The following MAST4 variants were observed in gnomAD, a reference collection of about 807,000 sequenced individuals.
MAST4 encodes microtubule associated serine/threonine kinase family member 4.
MAST4 carries 89 observed loss-of-function variants against 162.7 expected under a neutral mutation model. The observed-to-expected ratio is 0.55, with a 90% CI of 0.46 to 0.65. MAST4 has a LOEUF of 0.65. MAST4 is among the 30% of genes least tolerant of loss of function. MAST4 has a pLI of 0.00. For missense variants in MAST4, 3,153 were observed against 3,374.0 expected, an observed-to-expected ratio of 0.93 and a Z score of 1.62; for synonymous variants, 1,479 against 1,361.1, an observed-to-expected ratio of 1.09 and a Z score of -1.91.
intron 3 of MAST4, among the ~76,000 whole-genome samples, chr5:66,857,373 T>G (rs1759768344): frequency 6.6e-6 from 1 of 152,222 alleles, no homozygotes; most frequent in African/African-American, 2.4e-5. Flanking sequence ...GACATCCATG[T>G]GTGGATTGCT....
chr5:66,879,345 TACAC>T (rs372860024), intron 3 of MAST4, among the ~76,000 whole-genome samples: 2 of 133,464 alleles, frequency 1.5e-5, no homozygotes, highest in South Asian at 4.3e-4. Context: ...TTAAAATATA[TACAC>T]ACACACACAC....
intron 1 of MAST4, among the ~76,000 whole-genome samples, chr5:66,633,977 G>C (rs1744944078): frequency 6.6e-6 from 1 of 152,148 alleles, no homozygotes; most frequent in South Asian, 2.1e-4. Context: ...CTCATTATGA[G>C]GACACAGGGG....
intron 4 of MAST4, among the ~76,000 whole-genome samples, chr5:66,989,560 C>T (rs982241454): frequency 6.6e-6 from 1 of 152,150 alleles, no homozygotes; most frequent in Admixed American, 6.5e-5. Flanking sequence ...TATCCACAAA[C>T]AAGCAGAGCC....
chr5:67,129,033 T>C (rs186907278), intron 14 of MAST4, among the ~76,000 whole-genome samples: 113 of 152,312 alleles, frequency 7.4e-4, no homozygotes, highest in African/African-American at 2.5e-3. Context: ...CCAAGCCTCA[T>C]TGGGTCCCTT....
At chr5:66,678,878 G>A (rs1213045665) in intron 1 of MAST4, among the ~76,000 whole-genome samples, 1 of 151,568 alleles carries the variant, frequency 6.6e-6, no homozygotes, top group African/African-American at 2.4e-5. Flanking sequence ...TGCAACCTCC[G>A]CCTCCTGGGT....
intron 4 of MAST4, among the ~76,000 whole-genome samples, chr5:67,020,465 T>C (rs939623594): frequency 6.6e-6 from 1 of 152,212 alleles, no homozygotes; most frequent in Non-Finnish European, 1.5e-5. Context: ...AAGCTTCTCT[T>C]GGAAGGATTG....
intron 1 of MAST4, among the ~76,000 whole-genome samples, chr5:66,630,234 G>T (rs1744710796): frequency 1.3e-5 from 2 of 152,162 alleles, no homozygotes; most frequent in South Asian, 4.1e-4. Context: ...CACAGACTCT[G>T]GCCATCAGAA....
chr5:66,900,002 T>C lies in MAST4; in HGVS notation c.674+20T>C. Reference sequence around the variant, plus strand: ...AAGTTTGTAAGTAGTAGTATTTTGTTTCCTTGTTTTCTTTTTATTAATATA... The same window carrying C: ...AAGTTTGTAAGTAGTAGTATTTTGTCTCCTTGTTTTCTTTTTATTAATATA... On this transcript the variant is annotated intron_variant, in intron 4 of 28. Coordinates refer to ENST00000403625, the MANE Select transcript of MAST4 (RefSeq NM_001164664.2). 6.7e-7 allele frequency: 1 copy of C among 1,483,442 alleles called. No homozygotes were observed. The highest frequency in any genetic ancestry group is 9.0e-7 in the Non-Finnish European group (1 of 1,114,640). 91.9% of individuals were successfully genotyped at this position (1,483,442 alleles called of 1,614,324 possible). A position where few individuals can be genotyped will look rare whatever the true frequency, so the allele number is the denominator to read the frequency against.
At chr5:66,903,430 A>G (rs1472106536) in intron 4 of MAST4, among the ~76,000 whole-genome samples, 1 of 130,902 alleles carries the variant, frequency 7.6e-6, no homozygotes, top group Non-Finnish European at 1.6e-5. Context: ...ACATTCTCAC[A>G]CCTGTGTTTG....
intron 4 of MAST4, among the ~76,000 whole-genome samples, chr5:66,975,541 C>T (rs1017819809): frequency 6.6e-6 from 1 of 152,076 alleles, no homozygotes; most frequent in African/African-American, 2.4e-5. Context: ...GAGTGCTCAT[C>T]ATGATAGTTT....
chr5:66,663,167 G>A (rs1747017539), intron 1 of MAST4, among the ~76,000 whole-genome samples: 1 of 152,142 alleles, frequency 6.6e-6, no homozygotes, highest in South Asian at 2.1e-4. Flanking sequence ...GGGCCCTCAG[G>A]ATTGTATATT....
At chr5:66,703,823 T>G (rs182887360) in intron 1 of MAST4, among the ~76,000 whole-genome samples, 511 of 152,318 alleles carry the variant, frequency 3.4e-3, no homozygotes, top group African/African-American at 0.011. Context: ...CTGCTCCAGT[T>G]TGATCTCTTT....
At chr5:67,056,549 G>T (rs759852410) in intron 5 of MAST4, among the ~76,000 whole-genome samples, 2 of 152,072 alleles carry the variant, frequency 1.3e-5, no homozygotes, top group African/African-American at 4.8e-5. Flanking sequence ...ATATTGAGAC[G>T]ACAGAACGTG....
intron 1 of MAST4, among the ~76,000 whole-genome samples, chr5:66,602,767 T>C (rs1742638304): frequency 6.6e-6 from 1 of 152,212 alleles, no homozygotes; most frequent in Non-Finnish European, 1.5e-5. Flanking sequence ...CAGAAAGGGC[T>C]TGCATTCTTC....
rs79039639 is a variant in MAST4, at chr5:66,738,423, C to T, written c.364-21286C>T. ...TATTGTATGCCTAGAAGGTGGAGAG[C>T]CCAAAAGAGTTTACTTGGCACTATT... On this transcript the variant is annotated intron_variant, in intron 1 of 28. Transcript: ENST00000403625. 2.0e-3 allele frequency among the ~76,000 whole-genome samples: 310 copies of T among 152,288 alleles called. 2 individuals are homozygous for T. The highest frequency in any genetic ancestry group is 7.1e-3 in the African/African-American group (295 of 41,562).
chr5:67,054,696 CT>C (rs1349977760), intron 5 of MAST4, among the ~76,000 whole-genome samples: 1 of 152,124 alleles, frequency 6.6e-6, no homozygotes, highest in Non-Finnish European at 1.5e-5. Context: ...TACAGAATTC[CT>C]TTTTATATGG....
intron 2 of MAST4, among the ~76,000 whole-genome samples, chr5:66,775,029 G>GTGTGTA (rs1045150802): frequency 6.9e-6 from 1 of 144,328 alleles, no homozygotes; most frequent in Admixed American, 6.9e-5. Flanking sequence ...GTGTGTGTGT[G>GTGTGTA]TGTGTGTATG....
At chr5:66,649,204 A>G (rs1313313051) in intron 1 of MAST4, among the ~76,000 whole-genome samples, 1 of 152,148 alleles carries the variant, frequency 6.6e-6, no homozygotes, top group Non-Finnish European at 1.5e-5. Flanking sequence ...TTGTGTATAA[A>G]TCCTCTTATT....
intron 1 of MAST4, among the ~76,000 whole-genome samples, chr5:66,717,170 A>T (rs569819926): frequency 6.6e-6 from 1 of 152,274 alleles, no homozygotes; most frequent in African/African-American, 2.4e-5. Context: ...GCCCAGGACT[A>T]TCCAGCCAGG....
Sources: allele counts gnomAD v4.1 joint callset (sites outside exome capture counted in the v4.1 genomes callset), GRCh38; gene constraint gnomAD v4.1.1; transcripts MANE v1.5; gene names NCBI Gene and HGNC (gene_info 2026-07-23, HGNC 2026-07-21).